FMN2: variants seen among roughly 807,000 people sequenced by gnomAD.
The protein encoded by FMN2 is formin-2.
A neutral mutation model predicts 142.3 loss-of-function variants in FMN2; 51 were observed. That is an observed-to-expected ratio of 0.36 (90% CI 0.29 to 0.45). The LOEUF (loss-of-function observed/expected upper bound fraction) is 0.45. FMN2 is among the 20% of genes least tolerant of loss of function. FMN2 has a pLI of 1.00. For missense variants in FMN2, 1,936 were observed against 2,122.8 expected (o/e 0.91, Z 1.73); for synonymous variants, 882 against 869.8 (o/e 1.01, Z -0.25).
chr1:240,301,089 AT>A (rs1256910379), intron 8 of FMN2, among the ~76,000 whole-genome samples: 2 of 150,218 alleles, frequency 1.3e-5, no homozygotes, highest in Non-Finnish European at 3.0e-5. Context: ...TAGGTCTGTC[AT>A]TTTTTGTCCC....
chr1:240,271,098 G>GTTTTTTATTTTTTTTTTA (rs1668991781), intron 7 of FMN2, among the ~76,000 whole-genome samples: 1 of 72,244 alleles, frequency 1.4e-5, no homozygotes, highest in Non-Finnish European at 2.5e-5. Context: ...TTCCACGATG[G>GTTTTTTATTTTTTTTTTA]TTTTTTTTTT....
intron 2 of FMN2, among the ~76,000 whole-genome samples, chr1:240,175,335 A>G (rs1664872801): frequency 6.6e-6 from 1 of 152,178 alleles, no homozygotes; most frequent in South Asian, 2.1e-4. Context: ...ATTCTGTGGC[A>G]TATATATCCA....
rs906005454 is a variant in FMN2 at position 240,420,564 on chromosome 1, C to T, written c.4911-17497C>T. On this transcript the variant is annotated intron_variant, in intron 15 of 17. Transcript: ENST00000319653. Reference sequence around the variant, plus strand: ...GAAGAGCTGGTAGCTTCTGAGGGGGCGGGCCATTTGTTGCAAGGTGTGATG... The same window carrying T: ...GAAGAGCTGGTAGCTTCTGAGGGGGTGGGCCATTTGTTGCAAGGTGTGATG... Among the ~76,000 whole-genome samples the T allele has an allele frequency of 6.6e-5, 10 of 152,256 alleles. No individual in the cohort carries two copies. The East Asian group carries it at 9.7e-4, about 15-fold the overall frequency.
At chr1:240,336,867 C>G (rs1671581937) in intron 13 of FMN2, among the ~76,000 whole-genome samples, 1 of 151,904 alleles carries the variant, frequency 6.6e-6, no homozygotes, top group African/African-American at 2.4e-5. Context: ...ACTGACAAAT[C>G]ATAATTTACC....
At chr1:240,134,094 A>C (rs1490501463) in intron 2 of FMN2, among the ~76,000 whole-genome samples, 1 of 152,240 alleles carries the variant, frequency 6.6e-6, no homozygotes, top group African/African-American at 2.4e-5. Flanking sequence ...GGCATTTAGC[A>C]CAATGTCTAG....
chr1:240,129,746 AC>A (rs757640849), intron 2 of FMN2, among the ~76,000 whole-genome samples: 71 of 150,754 alleles, frequency 4.7e-4, no homozygotes, highest in Non-Finnish European at 8.9e-4. Context: ...CAAGTGATCC[AC>A]CCCCTCAGCC....
chr1:240,159,877 A>G (rs1248991733), intron 2 of FMN2, among the ~76,000 whole-genome samples: 1 of 146,536 alleles, frequency 6.8e-6, no homozygotes, highest in Non-Finnish European at 1.5e-5. Context: ...TTATTTGCAT[A>G]CATGGAGAGA....
intron 2 of FMN2, among the ~76,000 whole-genome samples, chr1:240,145,610 T>C (rs1663426347): frequency 7.1e-6 from 1 of 140,698 alleles, no homozygotes; most frequent in African/African-American, 2.6e-5. Flanking sequence ...GGTGCAATTA[T>C]ATGACACTGC....
intron 2 of FMN2, among the ~76,000 whole-genome samples, chr1:240,147,437 A>C (rs1480714884): frequency 6.6e-6 from 1 of 152,012 alleles, no homozygotes; most frequent in Non-Finnish European, 1.5e-5. Context: ...TAGTCCCCTA[A>C]TTAGTCTCCA....
At chr1:240,357,914 T>A (rs1209002655) in intron 14 of FMN2, among the ~76,000 whole-genome samples, 2 of 151,440 alleles carry the variant, frequency 1.3e-5, no homozygotes, top group African/African-American at 4.9e-5. Context: ...GCCAGGAAGA[T>A]CTTTTAACCT....
At chr1:240,117,059 A>G (rs890585286) in intron 1 of FMN2, among the ~76,000 whole-genome samples, 3 of 152,102 alleles carry the variant, frequency 2.0e-5, no homozygotes, top group African/African-American at 7.2e-5. Context: ...GAGAGAAGGG[A>G]TAGCCAAAGA....
chr1:240,361,176 TATATATATAA>T (rs1383557290), intron 14 of FMN2, among the ~76,000 whole-genome samples: 40 of 93,848 alleles, frequency 4.3e-4, no homozygotes, highest in African/African-American at 1.2e-3. Flanking sequence ...TATATATATA[TATATATATAA>T]AAGAGTTTAA....
At chr1:240,397,247 G>T (rs566333705) in intron 15 of FMN2, among the ~76,000 whole-genome samples, 30 of 152,196 alleles carry the variant, frequency 2.0e-4, no homozygotes, top group African/African-American at 7.2e-4. Flanking sequence ...CCACTTACAT[G>T]TCTTCTTTTG....
chr1:240,275,954 A>G (rs1669193794), intron 7 of FMN2, among the ~76,000 whole-genome samples: 1 of 152,106 alleles, frequency 6.6e-6, no homozygotes, highest in Non-Finnish European at 1.5e-5. Flanking sequence ...TCTTAAGTAG[A>G]AAGTATAGCC....
intron 1 of FMN2, among the ~76,000 whole-genome samples, chr1:240,120,356 T>G (rs557282976): frequency 1.3e-5 from 2 of 152,216 alleles, no homozygotes; most frequent in Non-Finnish European, 2.9e-5. Context: ...GTGAAAAATA[T>G]GCGACAGAGA....
intron 6 of FMN2, among the ~76,000 whole-genome samples, chr1:240,254,976 G>A (rs1231729807): frequency 2.6e-5 from 4 of 152,172 alleles, no homozygotes; most frequent in Admixed American, 6.5e-5. Context: ...GAGGGGTGCC[G>A]CTGCCTGATC....
chr1:240,096,020 C>T (rs956357514), intron 1 of FMN2, among the ~76,000 whole-genome samples: 3 of 152,082 alleles, frequency 2.0e-5, no homozygotes, highest in Non-Finnish European at 4.4e-5. Flanking sequence ...ATGTCATTCA[C>T]TCAGCATTGT....
At chr1:240,389,867 G>T (rs1287363700) in intron 14 of FMN2, among the ~76,000 whole-genome samples, 1 of 152,150 alleles carries the variant, frequency 6.6e-6, no homozygotes, top group Non-Finnish European at 1.5e-5. Context: ...TGAAGCAGGA[G>T]GATGACAGGA....
chr1:240,451,212 A>G (rs1305976266), intron 16 of FMN2, among the ~76,000 whole-genome samples: 1 of 151,932 alleles, frequency 6.6e-6, no homozygotes, highest in Non-Finnish European at 1.5e-5. Flanking sequence ...CTAAAAATAC[A>G]AAAATTAGCT....
Sources: allele counts gnomAD v4.1 joint callset (sites outside exome capture counted in the v4.1 genomes callset), GRCh38; gene constraint gnomAD v4.1.1; transcripts MANE v1.5; gene names NCBI Gene and HGNC (gene_info 2026-07-23, HGNC 2026-07-21).